PLCB1: variants seen among roughly 807,000 people sequenced by gnomAD.
The protein encoded by PLCB1 is phospholipase C beta 1, also known as 1-phosphatidylinositol 4,5-bisphosphate phosphodiesterase beta-1.
Under a neutral mutation model 161.8 loss-of-function variants are expected in PLCB1, and 46 were observed. The observed-to-expected ratio is 0.28, with a 90% CI of 0.22 to 0.36. The LOEUF is 0.36. Ranked by LOEUF, PLCB1 falls within the 10% of genes least tolerant of loss-of-function variation. The pLI is 1.00. For synonymous variants in PLCB1, 517 were observed against 503.7 expected, an observed-to-expected ratio of 1.03 and a Z score of -0.35; for missense variants, 1,016 against 1,472.5, an observed-to-expected ratio of 0.69 and a Z score of 5.07.
intron 2 of PLCB1, among the ~76,000 whole-genome samples, chr20:8,348,676 CTG>C: frequency 6.6e-6 from 1 of 152,310 alleles, no homozygotes; most frequent in Non-Finnish European, 1.5e-5. Context: ...AGAAATAAGT[CTG>C]TATCCTTTCT....
chr20:8,192,278 T>A (rs1405483958), intron 2 of PLCB1, among the ~76,000 whole-genome samples: 6 of 152,000 alleles, frequency 3.9e-5, no homozygotes, highest in Admixed American at 2.0e-4. Context: ...TTTTACAGCC[T>A]GTGTTTCAAA....
Position 8,263,541 on chromosome 20 carries a change from G to A in PLCB1, c.178-107841G>A, listed in dbSNP as rs117151983. 5.6e-4 allele frequency among the ~76,000 whole-genome samples: 85 copies of A among 152,040 alleles called. No homozygotes were observed. In the East Asian group the frequency reaches 0.013, roughly 23 times the overall value. ...ATAATCATGTGTCACTTAATGCTGG[G>A]GATTCATTCTGATATTGTGTGAACA... On this transcript the variant is annotated intron_variant, in intron 2 of 31. Transcript: ENST00000338037.
chr20:8,300,665 A>G (rs1983867288), intron 2 of PLCB1, among the ~76,000 whole-genome samples: 1 of 152,044 alleles, frequency 6.6e-6, no homozygotes, highest in South Asian at 2.1e-4. Flanking sequence ...AGCATTAGGT[A>G]TGTTATTTTT....
chr20:8,622,973 G>T (rs16994993), intron 3 of PLCB1, among the ~76,000 whole-genome samples: 4,292 of 152,230 alleles, frequency 0.028, 205 homozygotes, highest in African/African-American at 0.097. Flanking sequence ...CACATTCTGA[G>T]CCCAATTTTC....
intron 3 of PLCB1, among the ~76,000 whole-genome samples, chr20:8,426,464 CAG>C (rs1481572170): frequency 1.3e-5 from 2 of 152,162 alleles, no homozygotes; most frequent in African/African-American, 4.8e-5. Context: ...GAATGGAAAA[CAG>C]AGGTTTCCAT....
At chr20:8,843,538 A>G (rs1388813276) in intron 31 of PLCB1, among the ~76,000 whole-genome samples, 1 of 152,164 alleles carries the variant, frequency 6.6e-6, no homozygotes, top group Admixed American at 6.5e-5. Context: ...CATCATAGGC[A>G]TATTCACTTA....
At chr20:8,848,698 TG>T (rs1168971927) in intron 31 of PLCB1, among the ~76,000 whole-genome samples, 1 of 152,158 alleles carries the variant, frequency 6.6e-6, no homozygotes, top group Non-Finnish European at 1.5e-5. Flanking sequence ...GAAGGAGGGC[TG>T]GGGGGCCATG....
chr20:8,622,480 G>T (rs80172449), intron 3 of PLCB1, among the ~76,000 whole-genome samples: 1 of 152,008 alleles, frequency 6.6e-6, no homozygotes, highest in African/African-American at 2.4e-5. Flanking sequence ...AATGTTTTCC[G>T]GCTATGGAAA....
chr20:8,391,824 T>TATATATATATATATAC (rs1157204782), intron 3 of PLCB1, among the ~76,000 whole-genome samples: 1 of 115,414 alleles, frequency 8.7e-6, no homozygotes, highest in Non-Finnish European at 1.8e-5. Context: ...TATATATATA[T>TATATATATATATATAC]ACACACACAT....
chr20:8,215,440 G>A (rs1979068333), intron 2 of PLCB1, among the ~76,000 whole-genome samples: 1 of 152,032 alleles, frequency 6.6e-6, no homozygotes, highest in Non-Finnish European at 1.5e-5. Context: ...TCGCAAGCCA[G>A]AGGACAGCTT....
intron 3 of PLCB1, among the ~76,000 whole-genome samples, chr20:8,500,886 G>A (rs932244685): frequency 5.3e-5 from 8 of 152,006 alleles, no homozygotes; most frequent in African/African-American, 1.9e-4. Flanking sequence ...CTTGTAGTAG[G>A]GTGGTCAGGA....
At chr20:8,311,161 CA>C (rs368819218) in intron 2 of PLCB1, among the ~76,000 whole-genome samples, 70 of 152,194 alleles carry the variant, frequency 4.6e-4, no homozygotes, top group African/African-American at 1.6e-3. Flanking sequence ...TGTAAATGCC[CA>C]CTTGGGATGT....
At chr20:8,863,970 A>T (rs1391186588) in intron 31 of PLCB1, among the ~76,000 whole-genome samples, 1 of 152,200 alleles carries the variant, frequency 6.6e-6, no homozygotes, top group African/African-American at 2.4e-5. Context: ...CACTATGAAA[A>T]ATTATGCACA....
At chr20:8,498,054 T>C (rs933966898) in intron 3 of PLCB1, among the ~76,000 whole-genome samples, 4 of 152,206 alleles carry the variant, frequency 2.6e-5, no homozygotes, top group Non-Finnish European at 5.9e-5. Flanking sequence ...AAAAGTGTAT[T>C]CCTATAGCCA....
intron 3 of PLCB1, among the ~76,000 whole-genome samples, chr20:8,576,624 A>G (rs78694727): frequency 0.026 from 3,967 of 152,300 alleles, 87 homozygotes; most frequent in South Asian, 0.052. Context: ...GTATTTTATA[A>G]AGAAACAGAA....
At chr20:8,191,232 C>T (rs1042845143) in intron 2 of PLCB1, among the ~76,000 whole-genome samples, 3 of 151,934 alleles carry the variant, frequency 2.0e-5, no homozygotes, top group Admixed American at 6.6e-5. Flanking sequence ...GTAATGATCA[C>T]ATCATGGAGA....
chr20:8,283,346 C>G (rs1448991265), intron 2 of PLCB1, among the ~76,000 whole-genome samples: 1 of 151,918 alleles, frequency 6.6e-6, no homozygotes, highest in Non-Finnish European at 1.5e-5. Flanking sequence ...ATAACTATTA[C>G]CCATAAATTC....
intron 13 of PLCB1, 99 bp from the exon 14 acceptor site, chr20:8,717,572 G>C (rs1405017766): frequency 1.1e-6 from 1 of 881,048 alleles, no homozygotes; most frequent in Admixed American, 2.3e-5. Context: ...TAGGGAAGAA[G>C]TCTAGACATT....
rs1411578214 is a variant in PLCB1 at position 8,156,194 on chromosome 20, T to C, written c.177+5823T>C. 2.0e-5 allele frequency among the ~76,000 whole-genome samples: 3 copies of C among 152,188 alleles called. No individual in the cohort carries two copies. The East Asian group carries it at 5.8e-4, about 29-fold the overall frequency. ...GCAGCTGCCCAGAAGTTCCTGGCAATTCACACTCACCCTCACCAATGGGAT... is the reference window on the plus strand; with the variant it reads ...GCAGCTGCCCAGAAGTTCCTGGCAACTCACACTCACCCTCACCAATGGGAT... On this transcript the variant is annotated intron_variant, in intron 2 of 31. Transcript: ENST00000338037.
Sources: allele counts gnomAD v4.1 joint callset (sites outside exome capture counted in the v4.1 genomes callset), GRCh38; gene constraint gnomAD v4.1.1; transcripts MANE v1.5; gene names NCBI Gene and HGNC (gene_info 2026-07-23, HGNC 2026-07-21).